The following CCDC126 variants were observed in gnomAD, a reference collection of about 807,000 sequenced individuals.
CCDC126 encodes the protein coiled-coil domain containing 126.
In CCDC126, 5 loss-of-function variants were observed where a neutral mutation model predicts 11.7. The observed-to-expected ratio is 0.43, with a 90% confidence interval of 0.22 to 0.90. The LOEUF is 0.90. Among genes scored for constraint, CCDC126 ranks in the 40% least tolerant of loss-of-function variants. CCDC126 has a pLI of 0.27. For synonymous variants in CCDC126, 60 were observed against 61.9 expected (o/e 0.97, Z 0.14); for missense variants, 150 against 163.1 (o/e 0.92, Z 0.44).
intron 2 of CCDC126, among the ~76,000 whole-genome samples, chr7:23,606,160 G>A (rs897765708): frequency 2.6e-5 from 4 of 151,980 alleles, no homozygotes; most frequent in Admixed American, 1.3e-4. Flanking sequence ...CTGGGTTCAC[G>A]CCATTCTCCT....
intron 3 of CCDC126, among the ~76,000 whole-genome samples, chr7:23,632,164 G>A (rs1783127367): frequency 2.0e-5 from 3 of 148,390 alleles, no homozygotes; most frequent in African/African-American, 5.0e-5. Context: ...TGTGATCTCA[G>A]CTCACTGAAA....
chr7:23,637,809 T>C (rs1035443309), intron 3 of CCDC126, among the ~76,000 whole-genome samples: 1 of 47,124 alleles, frequency 2.1e-5, no homozygotes, highest in Non-Finnish European at 4.4e-5. Context: ...GAGGGGGGGG[T>C]CGGCCAGCCG....
At chr7:23,623,683 G>A (rs1366348355) in intron 3 of CCDC126, among the ~76,000 whole-genome samples, 1 of 151,744 alleles carries the variant, frequency 6.6e-6, no homozygotes. Flanking sequence ...GAGTTCTGTT[G>A]TACAGTGTGG....
intron 3 of CCDC126, among the ~76,000 whole-genome samples, chr7:23,612,480 A>AC (rs1323589520): frequency 3.9e-5 from 3 of 77,036 alleles, no homozygotes; most frequent in African/African-American, 2.7e-4. Flanking sequence ...ATCTCAAAAA[A>AC]AAAAAAAAAA....
chr7:23,643,050 A>G lies in CCDC126; in HGVS notation c.358A>G (p.Thr120Ala). ...NGSAANTTNG[T>A]SGNLVPVTTN... ...CTCAGCAGCCAACACCACCAATGGTACTAGTGGGAATTTGGTGCCAGTAAC... is the reference window on the plus strand; with the variant it reads ...CTCAGCAGCCAACACCACCAATGGTGCTAGTGGGAATTTGGTGCCAGTAAC... Residue 120 changes from threonine to alanine, a missense_variant, in exon 4 of 4, where the codon ACT becomes GCT. Coordinates refer to ENST00000307471, the MANE Select transcript of CCDC126 (RefSeq NM_138771.4). 1 of 1,614,198 alleles carries G rather than the reference A, an allele frequency of 6.2e-7. No individual in the cohort carries two copies. Among genetic ancestry groups the G allele is most frequent in the Non-Finnish European group, 8.5e-7 (1 of 1,180,018 alleles).
chr7:23,604,999 A>G (rs77710446), intron 2 of CCDC126, among the ~76,000 whole-genome samples: 1 of 80,840 alleles, frequency 1.2e-5, no homozygotes, highest in East Asian at 2.3e-4. Flanking sequence ...CTTCGTCTCA[A>G]AAAAAAAAAA....
chr7:23,632,194 A>G (rs1057383994), intron 3 of CCDC126, among the ~76,000 whole-genome samples: 3 of 151,876 alleles, frequency 2.0e-5, no homozygotes, highest in African/African-American at 7.3e-5. Context: ...CCCAGGTTCA[A>G]GTGATTCTCC....
intron 3 of CCDC126, among the ~76,000 whole-genome samples, chr7:23,628,102 A>G (rs1224955793): frequency 6.6e-6 from 1 of 152,132 alleles, no homozygotes; most frequent in Non-Finnish European, 1.5e-5. Flanking sequence ...GCTATTGGAG[A>G]TTATCTTTTA....
chr7:23,611,647 C>A, intron 3 of CCDC126, 94 bp downstream of exon 3: 1 of 817,662 alleles, frequency 1.2e-6, no homozygotes, highest in South Asian at 1.7e-5. Context: ...TAGGTCTTTG[C>A]AAAGTAATTT....
intron 3 of CCDC126, among the ~76,000 whole-genome samples, chr7:23,641,824 C>G (rs995482950): frequency 2.6e-5 from 4 of 152,190 alleles, no homozygotes; most frequent in Admixed American, 2.0e-4. Context: ...GTCTTCCCCA[C>G]CATTTTTCTG....
Position 23,597,448 on chromosome 7 carries a change from T to G in CCDC126, c.-388T>G, listed in dbSNP as rs1782435281. On this transcript the variant is annotated 5_prime_UTR_variant, in exon 1 of 4. Transcript: ENST00000307471. ...AATCTCCACAAGCTGGGAACAAACC[T>G]CGTCCCAACTCCCACCCACCGGCGT... 6.6e-6 allele frequency: 1 copy of G among 152,090 alleles called. No individual in the cohort carries two copies. 9.4% of individuals were successfully genotyped at this position (152,090 alleles called of 1,614,324 possible).
intron 3 of CCDC126, among the ~76,000 whole-genome samples, chr7:23,628,057 A>G (rs1783044489): frequency 6.6e-6 from 1 of 152,162 alleles, no homozygotes; most frequent in Non-Finnish European, 1.5e-5. Context: ...TAAGTAATGA[A>G]TGGAAAACAG....
At chr7:23,618,084 G>A (rs962872889) in intron 3 of CCDC126, among the ~76,000 whole-genome samples, 1 of 152,200 alleles carries the variant, frequency 6.6e-6, no homozygotes, top group South Asian at 2.1e-4. Context: ...AGTTTCTGTT[G>A]TCCTCTCTTC....
chr7:23,611,623 T>C, intron 3 of CCDC126, 70 bp downstream of exon 3: 1 of 1,075,972 alleles, frequency 9.3e-7, no homozygotes, highest in Non-Finnish European at 1.4e-6. Flanking sequence ...AAATTGAACT[T>C]ATTACTTCAT....
chr7:23,637,704 T>TG (rs1373310394), intron 3 of CCDC126, among the ~76,000 whole-genome samples: 1 of 1,864 alleles, frequency 5.4e-4, no homozygotes. Context: ...AGGAGGGAGG[T>TG]GGGGGGGGTC....
chr7:23,630,747 A>G (rs373555566), intron 3 of CCDC126, among the ~76,000 whole-genome samples: 1 of 139,008 alleles, frequency 7.2e-6, no homozygotes, highest in African/African-American at 2.6e-5. Context: ...AAAAAAAAAA[A>G]GTCCATAGAA....
chr7:23,611,942 G>T (rs1365353429), intron 3 of CCDC126, among the ~76,000 whole-genome samples: 1 of 152,058 alleles, frequency 6.6e-6, no homozygotes, highest in African/African-American at 2.4e-5. Context: ...AGGAAATCGA[G>T]ACCATCCTGG....
chr7:23,641,098 C>T (rs958809238), intron 3 of CCDC126, among the ~76,000 whole-genome samples: 4 of 150,452 alleles, frequency 2.7e-5, no homozygotes, highest in Non-Finnish European at 5.9e-5. Context: ...CTCTTTTCCA[C>T]AGCAGCTGCA....
At chr7:23,630,680 C>G (rs559839285) in intron 3 of CCDC126, among the ~76,000 whole-genome samples, 98 of 124,292 alleles carry the variant, frequency 7.9e-4, no homozygotes, top group African/African-American at 3.0e-3. Context: ...GAGCATGCTG[C>G]TGCACTCTAG....
Sources: allele counts gnomAD v4.1 joint callset (sites outside exome capture counted in the v4.1 genomes callset), GRCh38; gene constraint gnomAD v4.1.1; transcripts MANE v1.5; gene names NCBI Gene and HGNC (gene_info 2026-07-23, HGNC 2026-07-21).